The following ANK2 variants were observed in gnomAD, a reference collection of about 807,000 sequenced individuals.
ANK2 encodes the protein ankyrin 2, also known as ankyrin-2.
In ANK2, 83 loss-of-function variants were observed where a neutral mutation model predicts 360.5. The ratio of observed to expected loss-of-function variants is 0.23; its 90% CI spans 0.19 to 0.28. The LOEUF (loss-of-function observed/expected upper bound fraction) is 0.28, where lower values mean the gene tolerates loss of function less well. Among genes scored for constraint, ANK2 ranks in the 10% least tolerant of loss-of-function variants. ANK2 has a pLI of 1.00. For synonymous variants in ANK2, 1,740 were observed against 1,759.5 expected, an observed-to-expected ratio of 0.99 and a Z score of 0.28; for missense variants, 4,201 against 4,795.7, an observed-to-expected ratio of 0.88 and a Z score of 3.66.
chr4:112,972,916 G>A (rs1225540492), intron 2 of ANK2, among the ~76,000 whole-genome samples: 1 of 152,160 alleles, frequency 6.6e-6, no homozygotes, highest in African/African-American at 2.4e-5. Flanking sequence ...AAGCCATTCA[G>A]GAATGGAAAA....
the ANK2 span, among the ~76,000 whole-genome samples, chr4:112,800,643 G>C: frequency 1.3e-5 from 2 of 152,078 alleles, no homozygotes; most frequent in Non-Finnish European, 2.9e-5. Flanking sequence ...TTTTGAGAAA[G>C]TCAGCCTCAC....
chr4:112,751,585 G>A, the ANK2 span, among the ~76,000 whole-genome samples: 1 of 151,778 alleles, frequency 6.6e-6, no homozygotes, highest in Non-Finnish European at 1.5e-5. Flanking sequence ...AGGCCCTAAA[G>A]GATGAGAAGG....
upstream of ANK2, among the ~76,000 whole-genome samples, chr4:113,048,274 ATATTTTTT>A (rs1561690166): frequency 1.8e-3 from 73 of 41,562 alleles, no homozygotes; most frequent in South Asian, 5.9e-3. Flanking sequence ...ATATATATAT[ATATTTTTT>A]TTTTTTTTTT....
At chr4:113,284,984 T>C (rs1587128592) in intron 18 of ANK2, among the ~76,000 whole-genome samples, 1 of 152,318 alleles carries the variant, frequency 6.6e-6, no homozygotes, top group East Asian at 1.9e-4. Context: ...GGAACTATAA[T>C]ATAGAAGTGA....
At chr4:113,111,912 T>G (rs2094339084) in intron 1 of ANK2, among the ~76,000 whole-genome samples, 1 of 152,148 alleles carries the variant, frequency 6.6e-6, no homozygotes, top group African/African-American at 2.4e-5. Flanking sequence ...AAAGAAACAC[T>G]TCTATGGCTG....
In ANK2 at chr4:113,367,517, T is replaced by C. The variant is rs983210846; in HGVS notation, c.11033-49T>C. On this transcript the variant is annotated intron_variant, in intron 41 of 45. Coordinates refer to ENST00000357077, the MANE Select transcript of ANK2 (RefSeq NM_001148.6). ...ATATTTATTACTTAATAAATATCCA[T>C]TCAATATAGGTAAGCTTCAACTAAA... 15 of 1,553,848 alleles carry C rather than the reference T, an allele frequency of 9.7e-6. No homozygotes were observed. In the Admixed American group the frequency reaches 1.0e-4, roughly 10 times the overall value.
At chr4:112,990,198 C>T (rs999749023) in intron 2 of ANK2, among the ~76,000 whole-genome samples, 1 of 152,144 alleles carries the variant, frequency 6.6e-6, no homozygotes, top group African/African-American at 2.4e-5. Context: ...GAGCCCAAGA[C>T]TTTGAGGCTC....
intron 2 of ANK2, among the ~76,000 whole-genome samples, chr4:112,928,653 C>T (rs1214943976): frequency 1.3e-5 from 2 of 151,946 alleles, no homozygotes; most frequent in Non-Finnish European, 2.9e-5. Flanking sequence ...GAGGTTGAGA[C>T]TCAGACACTC....
chr4:113,110,787 A>G (rs924079649), intron 1 of ANK2, among the ~76,000 whole-genome samples: 28 of 152,178 alleles, frequency 1.8e-4, no homozygotes, highest in African/African-American at 6.5e-4. Context: ...TTTACTAGCC[A>G]TAGAATTGGT....
chr4:113,008,679 CAG>C (rs1455976504), intron 2 of ANK2, among the ~76,000 whole-genome samples: 5 of 151,990 alleles, frequency 3.3e-5, no homozygotes, highest in Non-Finnish European at 5.9e-5. Flanking sequence ...TTGGAGGACA[CAG>C]GGGGGAAATG....
intron 1 of ANK2, among the ~76,000 whole-genome samples, chr4:112,892,500 A>G (rs1445256275): frequency 2.6e-5 from 4 of 152,256 alleles, no homozygotes. Context: ...GATAGCTTCT[A>G]TAATTATTAA....
At chr4:113,319,886 TA>T (rs2085098344) in intron 26 of ANK2, among the ~76,000 whole-genome samples, 1 of 152,108 alleles carries the variant, frequency 6.6e-6, no homozygotes, top group Non-Finnish European at 1.5e-5. Context: ...GGATGTAGAG[TA>T]TTGTAGGATC....
At chr4:113,206,310 T>C (rs919401462) in intron 4 of ANK2, among the ~76,000 whole-genome samples, 3 of 152,208 alleles carry the variant, frequency 2.0e-5, no homozygotes, top group Admixed American at 2.0e-4. Flanking sequence ...ATTCTCATTA[T>C]TCAGCTCTCA....
chr4:113,176,338 G>C (rs575242269), intron 2 of ANK2, among the ~76,000 whole-genome samples: 25 of 152,172 alleles, frequency 1.6e-4, no homozygotes, highest in Non-Finnish European at 3.2e-4. Context: ...AAAATCTCAA[G>C]AACTTTACAT....
chr4:113,301,915 A>T (rs1301991131), intron 22 of ANK2, among the ~76,000 whole-genome samples: 1 of 152,230 alleles, frequency 6.6e-6, no homozygotes, highest in Non-Finnish European at 1.5e-5. Flanking sequence ...TAATCATAAT[A>T]AATTATGGTA....
At chr4:113,244,186 T>C (rs1443314866) in intron 9 of ANK2, among the ~76,000 whole-genome samples, 2 of 152,178 alleles carry the variant, frequency 1.3e-5, no homozygotes, top group South Asian at 2.1e-4. Context: ...AAGAATAAAA[T>C]AGGTTTTCTA....
the ANK2 span, among the ~76,000 whole-genome samples, chr4:112,804,935 C>T: frequency 0.045 from 6,915 of 152,060 alleles, 403 homozygotes; most frequent in African/African-American, 0.13. Flanking sequence ...GCACTCTAGC[C>T]TGGCTGATGA....
chr4:113,208,872 C>G (rs1293317191), intron 4 of ANK2, among the ~76,000 whole-genome samples: 2 of 151,756 alleles, frequency 1.3e-5, no homozygotes, highest in African/African-American at 4.9e-5. Flanking sequence ...TTATACATCC[C>G]TAAAAGAAAT....
intron 2 of ANK2, among the ~76,000 whole-genome samples, chr4:112,927,067 C>G (rs1354770488): frequency 4.6e-5 from 7 of 152,100 alleles, no homozygotes; most frequent in African/African-American, 1.7e-4. Flanking sequence ...GGAAATTACT[C>G]ATTATTACAA....
Sources: allele counts gnomAD v4.1 joint callset (sites outside exome capture counted in the v4.1 genomes callset), GRCh38; gene constraint gnomAD v4.1.1; transcripts MANE v1.5; gene names NCBI Gene and HGNC (gene_info 2026-07-23, HGNC 2026-07-21).